The following MARCHF1 variants were observed in gnomAD, a reference collection of about 807,000 sequenced individuals.
The protein encoded by MARCHF1 is E3 ubiquitin-protein ligase MARCHF1.
Under a neutral mutation model 54.2 loss-of-function variants are expected in MARCHF1, and 40 were observed. That is an observed-to-expected ratio of 0.74 (90% CI 0.57 to 0.96). MARCHF1 has a LOEUF of 0.96. Among genes scored for constraint, MARCHF1 ranks in the 40% least tolerant of loss-of-function variants. The pLI is 0.00. For synonymous variants in MARCHF1, 236 were observed against 236.3 expected, an observed-to-expected ratio of 1.00 and a Z score of 0.01; for missense variants, 586 against 656.5, an observed-to-expected ratio of 0.89 and a Z score of 1.17.
At chr4:163,721,200 C>T (rs1164002268) in intron 4 of MARCHF1, among the ~76,000 whole-genome samples, 3 of 152,082 alleles carry the variant, frequency 2.0e-5, no homozygotes, top group Admixed American at 1.3e-4. Flanking sequence ...TGAGATATGT[C>T]CCATCAATAC....
chr4:163,811,500 G>C (rs1431915237), intron 4 of MARCHF1, among the ~76,000 whole-genome samples: 1 of 151,006 alleles, frequency 6.6e-6, no homozygotes, highest in Non-Finnish European at 1.5e-5. Flanking sequence ...AGAAAAGAAA[G>C]GAAAGAGAGA....
intron 1 of MARCHF1, chr4:164,188,927 A>G: frequency 3.9e-6 from 3 of 764,000 alleles, no homozygotes; most frequent in Non-Finnish European, 7.3e-6. Flanking sequence ...ATGCGAAGCA[A>G]CCAAAGATAT....
intron 3 of MARCHF1, among the ~76,000 whole-genome samples, chr4:163,890,091 A>AT (rs565005714): frequency 0.27 from 37,343 of 136,474 alleles, 6,050 homozygotes; most frequent in African/African-American, 0.46. Context: ...TGCCCGGCTA[A>AT]TTTTTTTTTT....
At chr4:163,777,647 A>G (rs2110891404) in intron 4 of MARCHF1, among the ~76,000 whole-genome samples, 1 of 152,212 alleles carries the variant, frequency 6.6e-6, no homozygotes, top group Non-Finnish European at 1.5e-5. Flanking sequence ...TCATTTTCTT[A>G]AAAATTTTTA....
intron 3 of MARCHF1, chr4:163,932,395 C>A (rs970668968): frequency 1.6e-4 from 56 of 355,878 alleles, no homozygotes; most frequent in African/African-American, 1.2e-3. Flanking sequence ...TCCTTTCAAA[C>A]CCTGCTGCTG....
intron 1 of MARCHF1, among the ~76,000 whole-genome samples, chr4:164,321,931 T>C (rs1368511821): frequency 6.6e-6 from 1 of 152,130 alleles, no homozygotes; most frequent in East Asian, 1.9e-4. Context: ...CAAGTAATGC[T>C]TTAAGCATTT....
chr4:164,272,945 T>C (rs1331787410), intron 1 of MARCHF1, among the ~76,000 whole-genome samples: 1 of 152,092 alleles, frequency 6.6e-6, no homozygotes, highest in Non-Finnish European at 1.5e-5. Flanking sequence ...GTACATGATG[T>C]ATGCACGATT....
chr4:164,324,350 C>T (rs1275391363), intron 1 of MARCHF1, among the ~76,000 whole-genome samples: 2 of 151,662 alleles, frequency 1.3e-5, no homozygotes, highest in African/African-American at 2.4e-5. Context: ...AAAACAATTA[C>T]AATTATAATT....
chr4:164,364,970 C>T (rs1188994442), intron 1 of MARCHF1, among the ~76,000 whole-genome samples: 1 of 151,926 alleles, frequency 6.6e-6, no homozygotes, highest in Non-Finnish European at 1.5e-5. Flanking sequence ...ACTGAAGATT[C>T]ATACCACAAA....
intron 2 of MARCHF1, among the ~76,000 whole-genome samples, chr4:164,083,379 A>C (rs1196209000): frequency 1.3e-5 from 2 of 152,048 alleles, no homozygotes; most frequent in Non-Finnish European, 2.9e-5. Context: ...TGGATGACTT[A>C]TCTTGTCACA....
intron 3 of MARCHF1, among the ~76,000 whole-genome samples, chr4:163,888,704 T>C (rs1750591709): frequency 6.6e-6 from 1 of 152,194 alleles, no homozygotes; most frequent in African/African-American, 2.4e-5. Context: ...CAAATCATTT[T>C]CTAAGCCTAT....
At chr4:164,240,319 G>C (rs1375232049) in intron 1 of MARCHF1, among the ~76,000 whole-genome samples, 2 of 152,172 alleles carry the variant, frequency 1.3e-5, no homozygotes, top group Non-Finnish European at 2.9e-5. Context: ...GCTTGACTAT[G>C]TTTTATTTGG....
chr4:163,893,541 C>G (rs564865515), intron 3 of MARCHF1, among the ~76,000 whole-genome samples: 16 of 152,052 alleles, frequency 1.1e-4, no homozygotes, highest in Admixed American at 1.0e-3. Context: ...TGCAGGATGG[C>G]CATGGAAAAT....
chr4:163,659,344 A>G (rs756641605), intron 5 of MARCHF1, among the ~76,000 whole-genome samples: 9 of 152,136 alleles, frequency 5.9e-5, no homozygotes, highest in Non-Finnish European at 1.2e-4. Context: ...GAAACTGGCT[A>G]GCCATATGCA....
intron 3 of MARCHF1, among the ~76,000 whole-genome samples, chr4:163,857,932 T>A (rs1008253206): frequency 6.6e-6 from 1 of 152,120 alleles, no homozygotes; most frequent in African/African-American, 2.4e-5. Context: ...CTGAGCACTA[T>A]GAAAATGTTG....
chr4:163,548,304 A>G (rs1255483681), intron 8 of MARCHF1, among the ~76,000 whole-genome samples: 1 of 152,234 alleles, frequency 6.6e-6, no homozygotes, highest in African/African-American at 2.4e-5. Context: ...TTGCAAGTGG[A>G]TAGAATACTT....
chr4:164,177,806 G>GAGACAC (rs148681185), intron 1 of MARCHF1, among the ~76,000 whole-genome samples: 2,935 of 149,286 alleles, frequency 0.02, 78 homozygotes, highest in African/African-American at 0.06. Context: ...GTATGAAAGA[G>GAGACAC]ACACACACAC....
chr4:164,014,167 G>A (rs1205944977), intron 2 of MARCHF1, among the ~76,000 whole-genome samples: 1 of 148,696 alleles, frequency 6.7e-6, no homozygotes. Flanking sequence ...ACTCCAGCCT[G>A]GAGACAGAGT....
intron 4 of MARCHF1, among the ~76,000 whole-genome samples, chr4:163,742,644 A>AT (rs1241382518): frequency 3.8e-5 from 5 of 130,052 alleles, no homozygotes; most frequent in South Asian, 2.4e-4. Flanking sequence ...GCCTGCCTAA[A>AT]TTTTTTTATT....
Sources: allele counts gnomAD v4.1 joint callset (sites outside exome capture counted in the v4.1 genomes callset), GRCh38; gene constraint gnomAD v4.1.1; transcripts MANE v1.5; gene names NCBI Gene and HGNC (gene_info 2026-07-23, HGNC 2026-07-21).